Variants in FBXO38 observed in about 807,000 individuals in gnomAD.
FBXO38 encodes the protein F-box only protein 38.
In FBXO38, 53 loss-of-function variants were observed where a neutral mutation model predicts 131.9. The observed-to-expected ratio is 0.40, with a 90% CI of 0.32 to 0.51. FBXO38 has a LOEUF of 0.51. Ranked by LOEUF, FBXO38 falls within the 20% of genes least tolerant of loss-of-function variation. The pLI, the probability that FBXO38 is intolerant of heterozygous loss-of-function variation, is 0.53. For synonymous variants in FBXO38, 452 were observed against 505.6 expected (o/e 0.89, Z 1.42); for missense variants, 1,076 against 1,475.6 (o/e 0.73, Z 4.44).
At chr5:148,434,350 T>G (rs1754222573) in intron 17 of FBXO38, 1 of 152,332 alleles carries the variant, frequency 6.6e-6, no homozygotes, top group Non-Finnish European at 1.5e-5. Flanking sequence ...TTTTGTGCTT[T>G]CTTAAAATTT....
intron 15 of FBXO38, among the ~76,000 whole-genome samples, chr5:148,431,324 C>G (rs564182449): frequency 2.0e-5 from 3 of 152,194 alleles, no homozygotes; most frequent in Non-Finnish European, 4.4e-5. Context: ...AACTTTCTTC[C>G]TCATGCATCA....
rs115163990 is a variant in FBXO38, at chr5:148,406,916, C to T, written c.868+522C>T. Among the ~76,000 whole-genome samples, 1,160 of 152,040 alleles carry T rather than the reference C, an allele frequency of 7.6e-3. 15 individuals carry two copies. The highest frequency in any genetic ancestry group is 0.027 in the African/African-American group (1,106 of 41,486). The stretch of plus-strand genomic sequence containing the variant: ...TATACTTAACTATAGATAAATAATA[C>T]GTAACAGAATGTGCTTTGTGTTAAA... On this transcript the variant is annotated intron_variant, in intron 7 of 21. Coordinates refer to ENST00000340253, the MANE Select transcript of FBXO38 (RefSeq NM_205836.3).
At chr5:148,425,253 A>G (rs545600783) in intron 13 of FBXO38, among the ~76,000 whole-genome samples, 1 of 152,306 alleles carries the variant, frequency 6.6e-6, no homozygotes. Flanking sequence ...CTGCAAGGGG[A>G]TGCTGTATCA....
In FBXO38 at chr5:148,427,660, G is replaced by A. The variant is rs763910793; in HGVS notation, c.2366G>A (p.Ser789Asn). 24 of 1,614,222 alleles carry A rather than the reference G, an allele frequency of 1.5e-5. No homozygotes were observed. Among genetic ancestry groups the A allele is most frequent in the Non-Finnish European group, 2.0e-5 (24 of 1,180,034 alleles). Residue 789 changes from serine to asparagine, a missense_variant, in exon 15 of 22, where the codon AGC (serine) becomes AAC (asparagine). Around this residue, in one of 8 missense-constraint regions of FBXO38, gnomAD observed 213 missense variants for 225.2 expected, o/e 0.95. Transcript: ENST00000340253. ...HRPQESQRRT[S>N]RCSDEERPST... ...CCCCAGGAATCCCAAAGGAGAACTA[G>A]CAGGTGTTCTGATGAGGAACGTCCT... is the stretch of plus-strand genomic sequence containing the variant.
At chr5:148,402,627 C>A in intron 5 of FBXO38, 114 bp downstream of exon 5, 1 of 938,716 alleles carries the variant, frequency 1.1e-6, no homozygotes, top group Non-Finnish European at 1.5e-6. Context: ...TTGATGATTG[C>A]AAAATAAATG....
At chr5:148,399,371 G>A in intron 3 of FBXO38, 1 of 478,818 alleles carries the variant, frequency 2.1e-6, no homozygotes, top group Non-Finnish European at 3.8e-6. Context: ...ATATCAGCCT[G>A]TTCCACACAT....
chr5:148,399,686 G>A (rs1263222038), intron 3 of FBXO38: 1 of 152,150 alleles, frequency 6.6e-6, no homozygotes, highest in Non-Finnish European at 1.5e-5. Flanking sequence ...ATTGTTCCCA[G>A]TTGAAGAGAC....
intron 2 of FBXO38, chr5:148,397,474 C>G (rs1297496877): frequency 2.0e-5 from 3 of 151,958 alleles, no homozygotes; most frequent in Non-Finnish European, 2.9e-5. Context: ...ATTTAGAAAG[C>G]AAATTTAATG....
chr5:148,427,104 G>T, intron 14 of FBXO38, 109 bp from the exon 15 acceptor site: 1 of 1,256,416 alleles, frequency 8.0e-7, no homozygotes, highest in Non-Finnish European at 1.1e-6. Context: ...AGGAAAATTA[G>T]TGTTTAGTAT....
At chr5:148,435,579 C>G (rs372197302) in intron 17 of FBXO38, among the ~76,000 whole-genome samples, 174 of 152,150 alleles carry the variant, frequency 1.1e-3, no homozygotes, top group East Asian at 2.1e-3. Context: ...AGACCATCCT[C>G]GCTAACATGG....
At chr5:148,408,344 A>T (rs1274707176) in intron 7 of FBXO38, among the ~76,000 whole-genome samples, 1 of 152,242 alleles carries the variant, frequency 6.6e-6, no homozygotes, top group African/African-American at 2.4e-5. Flanking sequence ...AAAGTTGGTC[A>T]TACACATAGC....
rs1354277373 is a variant in FBXO38, at chr5:148,394,771, A to G, written c.-6A>G. 5 of 1,556,962 alleles carry G rather than the reference A, an allele frequency of 3.2e-6. No individual in the cohort carries two copies. Among genetic ancestry groups the G allele is most frequent in the Non-Finnish European group, 4.3e-6 (5 of 1,153,428 alleles). On this transcript the variant is annotated 5_prime_UTR_variant, in exon 2 of 22. Coordinates refer to ENST00000340253, the MANE Select transcript of FBXO38 (RefSeq NM_205836.3). ...TTTTCTCGTTGATACTGGAGACTGC[A>G]CAACAATGGGGCCACGAAAGAAAAG...
At chr5:148,402,713 G>A (rs1429315734) in intron 5 of FBXO38, 200 bp downstream of exon 5, 3 of 433,660 alleles carry the variant, frequency 6.9e-6, no homozygotes, top group Non-Finnish European at 1.2e-5. Context: ...CTTCACAAGT[G>A]TACATTCTCC....
chr5:148,404,045 A>G (rs900784459), intron 5 of FBXO38, among the ~76,000 whole-genome samples: 12 of 152,136 alleles, frequency 7.9e-5, no homozygotes, highest in African/African-American at 2.9e-4. Context: ...CCATGCATCA[A>G]ATTACCTTTA....
rs768602921 is a variant in FBXO38, at chr5:148,441,173, G to A, written c.3324G>A (p.Leu1108=). The change falls in exon 21 of 22, where the codon CTG becomes CTA. Residue 1108 remains leucine, a synonymous_variant. Transcript: ENST00000340253. ...CCATGATTTCTGACTTCCCTTGGCT[G>A]AGGTCATTACGAGCTGCAGAGCCCA... ...PYSMISDFPW[L]RSLRAAEPNS... 3 of 1,613,984 alleles carry A rather than the reference G, an allele frequency of 1.9e-6. No individual in the cohort carries two copies. The highest frequency in any genetic ancestry group is 2.5e-6 in the Non-Finnish European group (3 of 1,179,952).
Position 148,442,255 on chromosome 5 carries a change from G to A in FBXO38, c.*108G>A, listed in dbSNP as rs1437702351. 10 of 958,874 alleles carry A rather than the reference G, an allele frequency of 1.0e-5. No individual in the cohort carries two copies. The highest frequency in any genetic ancestry group is 6.5e-5 in the South Asian group (4 of 61,822). 59.4% of individuals were successfully genotyped at this position (958,874 alleles called of 1,614,324 possible). ...GCATGCAGTTGGGAGGTCCTGGCTC[G>A]GTTTGCTATATAGGGAATATATAAG... is the stretch of plus-strand genomic sequence containing the variant. On this transcript the variant is annotated 3_prime_UTR_variant, in exon 22 of 22. Coordinates refer to ENST00000340253, the MANE Select transcript of FBXO38 (RefSeq NM_205836.3).
At chr5:148,428,916 A>G (rs901252025) in intron 15 of FBXO38, among the ~76,000 whole-genome samples, 6 of 152,230 alleles carry the variant, frequency 3.9e-5, no homozygotes, top group Non-Finnish European at 8.8e-5. Flanking sequence ...GTTCTGCCAT[A>G]TGGTGAAAGT....
chr5:148,386,340 CT>C (rs1331223761), intron 1 of FBXO38, among the ~76,000 whole-genome samples: 2 of 152,144 alleles, frequency 1.3e-5, no homozygotes, highest in Non-Finnish European at 2.9e-5. Context: ...ACTATTTAAT[CT>C]TGGGCAAGTG....
intron 20 of FBXO38, 141 bp from the exon 21 acceptor site, chr5:148,440,983 T>C (rs1382328960): frequency 1.1e-5 from 7 of 660,456 alleles, no homozygotes; most frequent in Non-Finnish European, 1.4e-5. Flanking sequence ...AATTACAAAT[T>C]AGTTTGATAG....
Sources: gnomAD v4.1 joint callset for allele counts (sites outside exome capture counted in the v4.1 genomes callset) on GRCh38, gnomAD v4.1.1 for gene constraint, gnomAD v4.1.1 regional missense constraint, MANE v1.5 for transcripts, NCBI Gene and HGNC (gene_info 2026-07-23, HGNC 2026-07-21) for gene names.